C19orf81: variants seen among roughly 807,000 people sequenced by gnomAD.
C19orf81 encodes the protein chromosome 19 open reading frame 81, also known as putative uncharacterized protein C19orf81.
A neutral mutation model predicts 22.1 loss-of-function variants in C19orf81; 19 were observed. The observed-to-expected ratio is 0.86, with a 90% CI of 0.60 to 1.26. The LOEUF is 1.26. Ranked by LOEUF, C19orf81 falls within the 50% of genes most tolerant of loss-of-function variation. C19orf81 has a pLI of 0.00. For missense variants in C19orf81, 287 were observed against 280.7 expected (o/e 1.02, Z -0.16); for synonymous variants, 108 against 113.1 (o/e 0.95, Z 0.29).
intron 2 of C19orf81, 39 bp downstream of exon 2, chr19:50,656,161 C>T: frequency 6.5e-7 from 1 of 1,536,154 alleles, no homozygotes; most frequent in Non-Finnish European, 8.7e-7. Flanking sequence ...TATCTTCCGC[C>T]TCCCCAAATG....
intron 1 of C19orf81, among the ~76,000 whole-genome samples, chr19:50,652,991 C>T (rs1194488171): frequency 6.6e-6 from 1 of 152,140 alleles, no homozygotes; most frequent in Non-Finnish European, 1.5e-5. Flanking sequence ...ACAACACTAC[C>T]TCGGAAGGTT....
At position 50,656,041 on chromosome 19, in the gene C19orf81, T is replaced by C; in HGVS notation, c.68-9T>C. On this transcript the variant is annotated splice_polypyrimidine_tract_variant and intron_variant, in intron 1 of 4. Transcript: ENST00000425202. ...TCAGGGCAGCTGACACTGGGTTCTC[T>C]GTCCTCAGGAGCCCTCCTTATGGAC... The C allele has an allele frequency of 6.5e-7, 1 of 1,536,054 alleles. No individual in the cohort carries two copies. The highest frequency in any genetic ancestry group is 2.4e-5 in the East Asian group (1 of 40,910).
intron 3 of C19orf81, 55 bp from the exon 4 acceptor site, chr19:50,657,934 A>G: frequency 1.4e-6 from 2 of 1,479,732 alleles, no homozygotes; most frequent in Non-Finnish European, 1.8e-6. Context: ...GTGACTTCTG[A>G]ACCCAAAATG....
At position 50,658,993 on chromosome 19, in the gene C19orf81, C is replaced by A. The variant is rs979470681; in HGVS notation, c.448C>A (p.Arg150Ser). Residue 150 changes from arginine (R) to serine (S), a missense_variant, in exon 5 of 5, where the codon CGC (arginine) becomes AGC (serine). By Grantham distance (110) the Arg-to-Ser change is moderately radical (BLOSUM62 -1). Transcript: ENST00000425202. The part of the protein sequence containing the change: ...TDFQTRSRLL[R>S]SGLSPRGLAH... Reference sequence around the variant, plus strand: ...CTTCCAGACGCGCTCGCGCTTGCTGCGCTCCGGGCTCAGTCCCCGCGGGCT... The same window carrying A: ...CTTCCAGACGCGCTCGCGCTTGCTGAGCTCCGGGCTCAGTCCCCGCGGGCT... 1 of 1,522,162 alleles carries A rather than the reference C, an allele frequency of 6.6e-7. No homozygotes were observed. The highest frequency in any genetic ancestry group is 8.8e-7 in the Non-Finnish European group (1 of 1,138,810). The allele number at this position is 1,522,162 out of a possible 1,614,324, so 94.3% of individuals were successfully genotyped here.
At chr19:50,657,902 T>C (rs1985030947) in intron 3 of C19orf81, 87 bp from the exon 4 acceptor site, 1 of 1,426,556 alleles carries the variant, frequency 7.0e-7, no homozygotes, top group African/African-American at 1.4e-5. Flanking sequence ...TGTGGCAGGT[T>C]CTGCAGGTGG....
chr19:50,651,047 G>A (rs1984868308), intron 1 of C19orf81, among the ~76,000 whole-genome samples: 2 of 152,176 alleles, frequency 1.3e-5, no homozygotes, highest in Admixed American at 1.3e-4. Flanking sequence ...TTTTTTAGTT[G>A]ATCAGGTTGC....
chr19:50,652,335 C>T (rs190689330), intron 1 of C19orf81, among the ~76,000 whole-genome samples: 82 of 152,128 alleles, frequency 5.4e-4, no homozygotes, highest in African/African-American at 1.8e-3. Context: ...ATGCTGGGGA[C>T]GAAAACACAA....
intron 1 of C19orf81, among the ~76,000 whole-genome samples, chr19:50,649,974 A>G (rs1984842910): frequency 6.7e-6 from 1 of 149,130 alleles, no homozygotes; most frequent in Admixed American, 6.7e-5. Context: ...CTGCCCTCTG[A>G]CTCTCCCTTC....
intron 1 of C19orf81, among the ~76,000 whole-genome samples, chr19:50,653,682 G>GCACACACACACA (rs57915687): frequency 1.7e-4 from 21 of 121,924 alleles, no homozygotes; most frequent in East Asian, 5.3e-4. Context: ...ATGAGAGACA[G>GCACACACACACA]CACACACACA....
Position 50,659,180 on chromosome 19 carries a change from C to G in C19orf81, c.*38C>G, listed in dbSNP as rs560443102. On this transcript the variant is annotated 3_prime_UTR_variant, in exon 5 of 5. Coordinates refer to ENST00000425202, the MANE Select transcript of C19orf81 (RefSeq NM_001195076.2). ...CCCCGGCAGCGCTTGCGCACCGCCC[C>G]GCGGGCTGGGGCCACCCACCCGGAG... 6.3e-6 allele frequency: 8 copies of G among 1,277,480 alleles called. No individual in the cohort carries two copies. In the South Asian group the frequency reaches 2.0e-4, roughly 33 times the overall value. 79.1% of individuals were successfully genotyped at this position (1,277,480 alleles called of 1,614,324 possible).
At chr19:50,658,180 G>C in intron 4 of C19orf81, 52 bp downstream of exon 4, 1 of 1,491,776 alleles carries the variant, frequency 6.7e-7, no homozygotes, top group Non-Finnish European at 8.9e-7. Context: ...GGCGGGGCCC[G>C]GGGCGACCGG....
chr19:50,655,660 A>AG (rs1457553743), intron 1 of C19orf81, among the ~76,000 whole-genome samples: 1 of 151,734 alleles, frequency 6.6e-6, no homozygotes, highest in East Asian at 1.9e-4. Flanking sequence ...AAAAAAAAAA[A>AG]CAAAAAACCT....
intron 1 of C19orf81, chr19:50,649,892 G>A (rs1034535892): frequency 1.5e-5 from 7 of 458,430 alleles, no homozygotes; most frequent in East Asian, 6.8e-5. Flanking sequence ...TGGCCCCACC[G>A]CCAACCCAGT....
intron 1 of C19orf81, among the ~76,000 whole-genome samples, chr19:50,651,399 C>A (rs548649509): frequency 6.6e-6 from 1 of 152,202 alleles, no homozygotes; most frequent in South Asian, 2.1e-4. Flanking sequence ...TCTAGAGAGC[C>A]TTCCCTGATT....
At chr19:50,658,911 C>T in intron 4 of C19orf81, 36 bp from the exon 5 acceptor site, 5 of 1,403,162 alleles carry the variant, frequency 3.6e-6, no homozygotes, top group Non-Finnish European at 4.7e-6. Flanking sequence ...CTGAAACGAC[C>T]TGCGAGTTCC....
chr19:50,658,140 G>GC lies in C19orf81; in HGVS notation c.401+13dup, dbSNP rs1568422176. ...GGGCGCCGGAACCGGTGAGTAAGCG[G>GC]CGGGGGCGGGGCCTGGAGCGAGCGG... is the stretch of plus-strand genomic sequence containing the variant. On this transcript the variant is annotated intron_variant, in intron 4 of 4. Transcript: ENST00000425202. The GC allele has an allele frequency of 1.3e-6, 2 of 1,531,396 alleles. No individual in the cohort carries two copies. Among genetic ancestry groups the GC allele is most frequent in the Non-Finnish European group, 1.7e-6 (2 of 1,144,768 alleles). 94.9% of individuals were successfully genotyped at this position (1,531,396 alleles called of 1,614,324 possible). A position where few individuals can be genotyped will look rare whatever the true frequency, so the allele number is the denominator to read the frequency against.
intron 1 of C19orf81, among the ~76,000 whole-genome samples, chr19:50,652,664 C>T (rs550648465): frequency 2.0e-5 from 3 of 152,148 alleles, no homozygotes; most frequent in Non-Finnish European, 4.4e-5. Context: ...GGTCTGATCA[C>T]GTGTGGTCTT....
chr19:50,658,567 T>G, intron 4 of C19orf81: 2 of 242,100 alleles, frequency 8.3e-6, no homozygotes, highest in East Asian at 8.6e-5. Flanking sequence ...GGTCTGAGCC[T>G]GGAAAGGCAG....
In C19orf81 at chr19:50,656,361, G is replaced by C. The variant is rs934425304; in HGVS notation, c.261+15G>C. 2 of 1,529,202 alleles carry C rather than the reference G, an allele frequency of 1.3e-6. No homozygotes were observed. The highest frequency in any genetic ancestry group is 1.8e-6 in the Non-Finnish European group (2 of 1,142,532). 94.7% of individuals were successfully genotyped at this position (1,529,202 alleles called of 1,614,324 possible). A position where few individuals can be genotyped will look rare whatever the true frequency, so the allele number is the denominator to read the frequency against. On this transcript the variant is annotated intron_variant, in intron 3 of 4. Transcript: ENST00000425202. ...TGGAGACCTTGGTGAGTGGACCTGTGCCCTTATTTTCTGCACAGTTTTGGT... is the reference window on the plus strand; with the variant it reads ...TGGAGACCTTGGTGAGTGGACCTGTCCCCTTATTTTCTGCACAGTTTTGGT...
Sources: allele counts gnomAD v4.1 joint callset (sites outside exome capture counted in the v4.1 genomes callset), GRCh38; gene constraint gnomAD v4.1.1; transcripts MANE v1.5; gene names NCBI Gene and HGNC (gene_info 2026-07-23, HGNC 2026-07-21).